The following EYS variants were observed in gnomAD, a reference collection of about 807,000 sequenced individuals.
EYS encodes the protein protein eyes shut homolog.
EYS carries 250 observed loss-of-function variants against 282.1 expected under a neutral mutation model. That is an observed-to-expected ratio of 0.89 (90% confidence interval 0.80 to 0.98). The LOEUF (loss-of-function observed/expected upper bound fraction) is 0.98. Among genes scored for constraint, EYS ranks in the 50% least tolerant of loss-of-function variants. EYS has a pLI of 0.00. For synonymous variants in EYS, 1,355 were observed against 1,282.9 expected, an observed-to-expected ratio of 1.06 and a Z score of -1.20; for missense variants, 4,016 against 3,709.0, an observed-to-expected ratio of 1.08 and a Z score of -2.15.
At chr6:65,038,909 T>G (rs1438984987) in intron 13 of EYS, among the ~76,000 whole-genome samples, 1 of 151,558 alleles carries the variant, frequency 6.6e-6, no homozygotes. Flanking sequence ...TAGTGAATTA[T>G]AAGCGCTGTC....
In EYS at chr6:65,294,453, C is replaced by G. The variant is rs563843015; in HGVS notation, c.2023+1410G>C. Reference sequence around the variant, plus strand: ...GAAAGAAACATAATAGTGTTTAACCCCACCTGGAGAAGTAGGCCATACCAA... The same window carrying G: ...GAAAGAAACATAATAGTGTTTAACCGCACCTGGAGAAGTAGGCCATACCAA... On this transcript the variant is annotated intron_variant, in intron 12 of 42. Coordinates refer to ENST00000503581, the MANE Select transcript of EYS (RefSeq NM_001142800.2). Among the ~76,000 whole-genome samples, 83 of 151,836 alleles carry G rather than the reference C, an allele frequency of 5.5e-4. 1 individual carries two copies. The highest frequency in any genetic ancestry group is 1.9e-3 in the African/African-American group (77 of 41,468).
At chr6:65,451,214 C>A (rs988687517) in intron 5 of EYS, among the ~76,000 whole-genome samples, 1 of 151,730 alleles carries the variant, frequency 6.6e-6, no homozygotes, top group Non-Finnish European at 1.5e-5. Flanking sequence ...TAAGTTGGAG[C>A]CTTTAATTGT....
Position 64,686,898 on chromosome 6 carries a change from T to TAC in EYS, c.3444-60654_3444-60653insGT, listed in dbSNP as rs1562134152. Among the ~76,000 whole-genome samples the TAC allele has an allele frequency of 1.2e-4, 2 of 17,302 alleles. 1 individual carries two copies. The highest frequency in any genetic ancestry group is 5.9e-4 in the Non-Finnish European group (2 of 3,414). 11.4% of individuals were successfully genotyped at this position (17,302 alleles called of 152,430 possible). A position where few individuals can be genotyped will look rare whatever the true frequency, so the allele number is the denominator to read the frequency against. Reference sequence around the variant, plus strand: ...ATATATATATACACACACATATATATGTGTATATATATACACACATATATA... The same window carrying TAC: ...ATATATATATACACACACATATATATACGTGTATATATATACACACATATATA... On this transcript the variant is annotated intron_variant, in intron 22 of 42. Coordinates refer to ENST00000503581, the MANE Select transcript of EYS (RefSeq NM_001142800.2).
intron 10 of EYS, among the ~76,000 whole-genome samples, chr6:65,339,928 G>T (rs1007190420): frequency 6.6e-5 from 10 of 151,116 alleles, no homozygotes; most frequent in Non-Finnish European, 1.0e-4. Context: ...ATTTTTTAAA[G>T]TACATCCTAT....
intron 7 of EYS, among the ~76,000 whole-genome samples, chr6:65,387,130 C>T (rs1183536114): frequency 2.6e-5 from 4 of 151,940 alleles, no homozygotes; most frequent in Admixed American, 1.3e-4. Context: ...TATTAGGTTT[C>T]CTTTTGCCAA....
At chr6:63,834,383 G>C (rs1053962849) in intron 36 of EYS, among the ~76,000 whole-genome samples, 4 of 152,028 alleles carry the variant, frequency 2.6e-5, no homozygotes, top group African/African-American at 9.7e-5. Flanking sequence ...CCATCAAAAA[G>C]TGGGTGAAGG....
chr6:65,008,785 C>T (rs966670502), intron 13 of EYS, among the ~76,000 whole-genome samples: 2 of 152,154 alleles, frequency 1.3e-5, no homozygotes, highest in Non-Finnish European at 2.9e-5. Flanking sequence ...TCACAGAGCC[C>T]CAGGTATGCT....
At chr6:64,155,682 G>C (rs1215334671) in intron 31 of EYS, among the ~76,000 whole-genome samples, 1 of 152,142 alleles carries the variant, frequency 6.6e-6, no homozygotes, top group African/African-American at 2.4e-5. Context: ...TGAAATGTCA[G>C]GTTCTGGTTT....
intron 13 of EYS, among the ~76,000 whole-genome samples, chr6:65,015,870 T>TA (rs776971479): frequency 0.059 from 3,069 of 51,984 alleles, 190 homozygotes; most frequent in Middle Eastern, 0.11. Context: ...TCGTCTCTAC[T>TA]AAAAAAAAAA....
intron 33 of EYS, among the ~76,000 whole-genome samples, chr6:64,031,752 G>T (rs572494702): frequency 9.2e-5 from 14 of 152,310 alleles, no homozygotes; most frequent in Admixed American, 5.2e-4. Flanking sequence ...TGACACGTGT[G>T]TCTAGCTAAT....
intron 2 of EYS, among the ~76,000 whole-genome samples, chr6:65,624,902 C>T (rs561935869): frequency 2.0e-5 from 3 of 152,314 alleles, no homozygotes; most frequent in African/African-American, 4.8e-5. Context: ...AGCTTTCAGA[C>T]GGCCTACTGT....
At chr6:64,988,329 G>A (rs1770935789) in intron 14 of EYS, among the ~76,000 whole-genome samples, 1 of 151,532 alleles carries the variant, frequency 6.6e-6, no homozygotes, top group South Asian at 2.1e-4. Context: ...AGCCTTAAAA[G>A]GTGGCCCAAG....
At chr6:64,597,177 A>G (rs955394141) in intron 24 of EYS, among the ~76,000 whole-genome samples, 2 of 152,170 alleles carry the variant, frequency 1.3e-5, no homozygotes, top group African/African-American at 2.4e-5. Context: ...ATTATCTTAC[A>G]TTAGTTAGAA....
At chr6:64,860,626 C>T (rs911742513) in intron 19 of EYS, among the ~76,000 whole-genome samples, 11 of 152,216 alleles carry the variant, frequency 7.2e-5, no homozygotes, top group Non-Finnish European at 1.3e-4. Flanking sequence ...CTCCTAGGTC[C>T]GGGCTCCCTG....
intron 2 of EYS, among the ~76,000 whole-genome samples, chr6:65,569,663 T>A (rs1764410085): frequency 6.6e-6 from 1 of 152,102 alleles, no homozygotes; most frequent in South Asian, 2.1e-4. Context: ...ATCAATAAAC[T>A]GGCTCATCTG....
intron 36 of EYS, among the ~76,000 whole-genome samples, chr6:63,862,789 C>T (rs1772568117): frequency 6.6e-6 from 1 of 152,048 alleles, no homozygotes; most frequent in Non-Finnish European, 1.5e-5. Flanking sequence ...AATGTTTTCT[C>T]TTTTTATAAA....
intron 40 of EYS, among the ~76,000 whole-genome samples, chr6:63,771,944 T>TTTG (rs1338187199): frequency 6.6e-6 from 1 of 152,196 alleles, no homozygotes; most frequent in Non-Finnish European, 1.5e-5. Flanking sequence ...CATAGTTGTC[T>TTTG]TTGTTAACAT....
intron 2 of EYS, among the ~76,000 whole-genome samples, chr6:65,599,618 A>G (rs1765544344): frequency 6.6e-6 from 1 of 152,112 alleles, no homozygotes; most frequent in South Asian, 2.1e-4. Context: ...TTATGTTTCT[A>G]TTAAATTTAG....
intron 30 of EYS, among the ~76,000 whole-genome samples, chr6:64,240,979 C>G (rs113106757): frequency 6.6e-6 from 1 of 152,082 alleles, no homozygotes; most frequent in South Asian, 2.1e-4. Context: ...TGAATTTTGT[C>G]GAAGGCCTTT....
Sources: gnomAD v4.1 joint callset for allele counts (sites outside exome capture counted in the v4.1 genomes callset) on GRCh38, gnomAD v4.1.1 for gene constraint, MANE v1.5 for transcripts, NCBI Gene and HGNC (gene_info 2026-07-23, HGNC 2026-07-21) for gene names.